Variants in LUZP2 observed in about 807,000 individuals in gnomAD.
LUZP2 encodes leucine zipper protein 2.
LUZP2 carries 52 observed loss-of-function variants against 51.6 expected under a neutral mutation model. The observed-to-expected ratio is 1.01, with a 90% confidence interval of 0.81 to 1.27. LUZP2 has a LOEUF of 1.27. Among genes scored for constraint, LUZP2 ranks in the 50% most tolerant of loss-of-function variants. The probability of loss-of-function intolerance (pLI) is 0.00; values close to 1 mark genes in which losing one functional copy is unlikely to be tolerated. For missense variants in LUZP2, 436 were observed against 395.4 expected, an observed-to-expected ratio of 1.10 and a Z score of -0.87; for synonymous variants, 154 against 137.3, an observed-to-expected ratio of 1.12 and a Z score of -0.85.
At chr11:24,639,073 G>C (rs926169833) in intron 1 of LUZP2, among the ~76,000 whole-genome samples, 7 of 151,506 alleles carry the variant, frequency 4.6e-5, no homozygotes, top group Non-Finnish European at 8.8e-5. Flanking sequence ...CAGTCTTTTT[G>C]GACATTTCTT....
At chr11:24,766,388 T>C (rs1860190512) in intron 5 of LUZP2, among the ~76,000 whole-genome samples, 1 of 152,210 alleles carries the variant, frequency 6.6e-6, no homozygotes, top group Non-Finnish European at 1.5e-5. Context: ...TTTTGAAGCA[T>C]TCAGGCAAAA....
intron 5 of LUZP2, among the ~76,000 whole-genome samples, chr11:24,776,418 G>A (rs1848927194): frequency 6.6e-6 from 1 of 152,132 alleles, no homozygotes; most frequent in African/African-American, 2.4e-5. Flanking sequence ...TATGTTGGAT[G>A]AAATTTACCC....
intron 1 of LUZP2, among the ~76,000 whole-genome samples, chr11:24,605,062 C>T (rs1188320464): frequency 6.6e-6 from 1 of 151,610 alleles, no homozygotes; most frequent in Non-Finnish European, 1.5e-5. Context: ...TATTAATCAT[C>T]CCCAAAACCA....
At chr11:24,687,359 T>C (rs1002115340) in intron 1 of LUZP2, among the ~76,000 whole-genome samples, 1 of 152,170 alleles carries the variant, frequency 6.6e-6, no homozygotes, top group Non-Finnish European at 1.5e-5. Context: ...AAAATCATTC[T>C]TGATAAACAA....
In LUZP2 at chr11:25,040,622, G is replaced by A. The variant is rs1478642813; in HGVS notation, c.766-9416G>A. On this transcript the variant is annotated intron_variant, in intron 9 of 11. Coordinates refer to ENST00000336930, the MANE Select transcript of LUZP2 (RefSeq NM_001009909.4). ...TCTGTTTTTTCACCCAGAATATGGA[G>A]CTAATAATATCTGTCTCATAGATTT... Among the ~76,000 whole-genome samples, 3 of 152,096 alleles carry A rather than the reference G, an allele frequency of 2.0e-5. No homozygotes were observed. In the East Asian group the frequency reaches 5.8e-4, roughly 29 times the overall value.
At chr11:24,539,979 C>CATAT (rs140876994) in intron 1 of LUZP2, among the ~76,000 whole-genome samples, 4 of 151,016 alleles carry the variant, frequency 2.6e-5, no homozygotes, top group African/African-American at 9.7e-5. Context: ...ACAAAGACAA[C>CATAT]ATATATATAT....
chr11:24,696,333 T>C (rs550060117), intron 1 of LUZP2, among the ~76,000 whole-genome samples: 28 of 152,248 alleles, frequency 1.8e-4, no homozygotes, highest in Non-Finnish European at 3.5e-4. Context: ...AGGGTTACTG[T>C]AAACTCATTA....
At chr11:24,885,021 G>A (rs1230064809) in intron 5 of LUZP2, among the ~76,000 whole-genome samples, 2 of 152,052 alleles carry the variant, frequency 1.3e-5, no homozygotes, top group African/African-American at 4.8e-5. Context: ...AACAGAAGAA[G>A]CAGGTTCTGT....
At chr11:24,655,013 G>T (rs996343180) in intron 1 of LUZP2, among the ~76,000 whole-genome samples, 28 of 151,994 alleles carry the variant, frequency 1.8e-4, no homozygotes, top group African/African-American at 6.5e-4. Context: ...AAAAATCTAG[G>T]CCGTACATAA....
intron 7 of LUZP2, among the ~76,000 whole-genome samples, chr11:24,945,170 A>G (rs1336885226): frequency 1.3e-5 from 2 of 152,190 alleles, no homozygotes; most frequent in East Asian, 1.9e-4. Context: ...TTGGATGTCA[A>G]AATGCATCCT....
intron 4 of LUZP2, among the ~76,000 whole-genome samples, chr11:24,756,608 C>A (rs1216098545): frequency 1.3e-5 from 2 of 152,130 alleles, no homozygotes; most frequent in Non-Finnish European, 2.9e-5. Flanking sequence ...AATCTCATTC[C>A]CTTGACACAA....
intron 7 of LUZP2, among the ~76,000 whole-genome samples, chr11:24,961,257 T>A (rs1855391413): frequency 6.6e-6 from 1 of 152,214 alleles, no homozygotes; most frequent in Non-Finnish European, 1.5e-5. Flanking sequence ...TAGATGTCTA[T>A]TAGGTCCGCT....
At chr11:25,066,825 A>G (rs1453365389) in intron 10 of LUZP2, among the ~76,000 whole-genome samples, 1 of 152,024 alleles carries the variant, frequency 6.6e-6, no homozygotes, top group Non-Finnish European at 1.5e-5. Flanking sequence ...AAGGAAGACT[A>G]TAACGTGCTG....
intron 1 of LUZP2, among the ~76,000 whole-genome samples, chr11:24,531,236 C>T (rs956873357): frequency 6.7e-6 from 1 of 150,146 alleles, no homozygotes; most frequent in African/African-American, 2.4e-5. Context: ...TAATTGAAGT[C>T]GAATTTTATA....
chr11:24,523,935 G>GA (rs1455977132), intron 1 of LUZP2, among the ~76,000 whole-genome samples: 1 of 151,686 alleles, frequency 6.6e-6, no homozygotes, highest in African/African-American at 2.4e-5. Context: ...CAGCCTCTTT[G>GA]AAAAACCTGA....
chr11:24,625,759 A>C (rs1045846302), intron 1 of LUZP2, among the ~76,000 whole-genome samples: 6 of 152,096 alleles, frequency 3.9e-5, no homozygotes, highest in Non-Finnish European at 7.4e-5. Flanking sequence ...CACAGCCTTC[A>C]ATTGAAGTAG....
intron 1 of LUZP2, among the ~76,000 whole-genome samples, chr11:24,547,037 C>T (rs1191057596): frequency 6.6e-6 from 1 of 151,556 alleles, no homozygotes; most frequent in Non-Finnish European, 1.5e-5. Flanking sequence ...CAGAACTCAT[C>T]ATTGGTCTGT....
At chr11:24,700,907 TC>T (rs1195069614) in intron 1 of LUZP2, among the ~76,000 whole-genome samples, 1 of 152,184 alleles carries the variant, frequency 6.6e-6, no homozygotes, top group Non-Finnish European at 1.5e-5. Flanking sequence ...TGAGGAATTT[TC>T]TTCATATCTT....
chr11:24,633,973 G>A (rs974657429), intron 1 of LUZP2, among the ~76,000 whole-genome samples: 1 of 99,030 alleles, frequency 1.0e-5, no homozygotes, highest in Non-Finnish European at 2.2e-5. Context: ...TGTATATATA[G>A]TCTGTCTATT....
Sources: allele counts gnomAD v4.1 joint callset (sites outside exome capture counted in the v4.1 genomes callset), GRCh38; gene constraint gnomAD v4.1.1; transcripts MANE v1.5; gene names NCBI Gene and HGNC (gene_info 2026-07-23, HGNC 2026-07-21).